RETREG3: variants seen among roughly 807,000 people sequenced by gnomAD.
RETREG3 encodes the protein reticulophagy regulator 3.
Under a neutral mutation model 50.2 loss-of-function variants are expected in RETREG3, and 23 were observed. That is an observed-to-expected ratio of 0.46 (90% confidence interval 0.33 to 0.65). RETREG3 has a LOEUF of 0.65. Ranked by LOEUF, RETREG3 falls within the 30% of genes least tolerant of loss-of-function variation. RETREG3 has a pLI of 0.02. For synonymous variants in RETREG3, 240 were observed against 234.4 expected (o/e 1.02, Z -0.22); for missense variants, 546 against 598.0 (o/e 0.91, Z 0.91).
chr17:42,593,826 A>AGCATAAAT lies in RETREG3; in HGVS notation c.240-1672_240-1665dup, dbSNP rs1194969982. Among the ~76,000 whole-genome samples, 7 of 152,206 alleles carry AGCATAAAT rather than the reference A, an allele frequency of 4.6e-5. No homozygotes were observed. The East Asian group carries it at 1.3e-3, about 29-fold the overall frequency. ...TTCAGAAACACAGATTAGTACAGAT[A>AGCATAAAT]GCATAAATGCTACACTCTGGGTCAT... is the stretch of plus-strand genomic sequence containing the variant. On this transcript the variant is annotated intron_variant, in intron 1 of 8. Coordinates refer to ENST00000309428, the MANE Select transcript of RETREG3 (RefSeq NM_178126.4).
intron 1 of RETREG3, among the ~76,000 whole-genome samples, 175 bp from the exon 2 acceptor site, chr17:42,592,337 A>G (rs2093134943): frequency 6.6e-6 from 1 of 152,228 alleles, no homozygotes; most frequent in South Asian, 2.1e-4. Context: ...CTGGACCTTA[A>G]CTACTCTACC....
At chr17:42,603,667 C>G (rs183636365) in intron 1 of RETREG3, among the ~76,000 whole-genome samples, 2 of 152,168 alleles carry the variant, frequency 1.3e-5, no homozygotes, top group African/African-American at 4.8e-5. Context: ...AACATTCACT[C>G]AACAGATTTC....
rs1368344789 is a variant in RETREG3, at chr17:42,605,105, A to G, written c.239+3981T>C. 8 of 151,950 alleles carry G rather than the reference A, an allele frequency of 5.3e-5. No individual in the cohort carries two copies. In the South Asian group the frequency reaches 1.7e-3, roughly 32 times the overall value. 9.4% of individuals were successfully genotyped at this position (151,950 alleles called of 1,614,324 possible). ...GGTACCTGAAAAAAAAAAAAGTATG[A>G]AAACCTTGGAATACTATGGTGACAA... On this transcript the variant is annotated intron_variant, in intron 1 of 8. Coordinates refer to ENST00000309428, the MANE Select transcript of RETREG3 (RefSeq NM_178126.4).
intron 6 of RETREG3, among the ~76,000 whole-genome samples, chr17:42,584,524 T>C (rs188430833): frequency 2.7e-4 from 41 of 152,176 alleles, no homozygotes; most frequent in African/African-American, 9.6e-4. Flanking sequence ...AAGGATCTGC[T>C]CTGGGCTCAG....
chr17:42,609,133 C>G lies in RETREG3; in HGVS notation c.192G>C (p.Arg64=), dbSNP rs1257340019. 1 of 1,609,510 alleles carries G rather than the reference C, an allele frequency of 6.2e-7. No individual in the cohort carries two copies. The highest frequency in any genetic ancestry group is 1.1e-5 in the South Asian group (1 of 91,018). ...SRVQAALVWE[R]PARSALWCLG... is the part of the protein sequence containing the mutation. Reference sequence around the variant, plus strand: ...GGCACCACAGAGCGCTCCTAGCTGGCCGCTCCCACACCAGGGCTGCCTGCA... The same window carrying G: ...GGCACCACAGAGCGCTCCTAGCTGGGCGCTCCCACACCAGGGCTGCCTGCA... Residue 64 remains arginine (R), a synonymous_variant, in exon 1 of 9, where the codon CGG becomes CGC. Coordinates refer to ENST00000309428, the MANE Select transcript of RETREG3 (RefSeq NM_178126.4).
At position 42,581,950 on chromosome 17, in the gene RETREG3, G is replaced by C; in HGVS notation, c.1264C>G (p.Pro422Ala). The C allele has an allele frequency of 6.2e-7, 1 of 1,614,170 alleles. No individual in the cohort carries two copies. The highest frequency in any genetic ancestry group is 8.5e-7 in the Non-Finnish European group (1 of 1,180,044). Residue 422 changes from proline to alanine, a missense_variant, in exon 9 of 9, where the codon CCT becomes GCT. Physicochemically the swap from Pro to Ala is conservative, Grantham distance 27. Transcript: ENST00000309428. ...GASQPGPSGA[P>A]AQRATRGFLR... ...AAGCCTCTCGTTGCTCTCTGGGCAG[G>C]TGCTCCAGAAGGGCCTGGTTGGGAG...
chr17:42,605,476 C>G (rs1452039313), intron 1 of RETREG3, among the ~76,000 whole-genome samples: 1 of 152,108 alleles, frequency 6.6e-6, no homozygotes, highest in African/African-American at 2.4e-5. Context: ...CATTTCTAAG[C>G]GAAATGTCAA....
chr17:42,606,791 G>C (rs1353825801), intron 1 of RETREG3, among the ~76,000 whole-genome samples: 1 of 151,984 alleles, frequency 6.6e-6, no homozygotes, highest in Non-Finnish European at 1.5e-5. Flanking sequence ...GAGGTCAGGA[G>C]TTTGAGACGA....
Position 42,586,046 on chromosome 17 carries a change from T to C in RETREG3, c.589+7A>G. On this transcript the variant is annotated splice_region_variant and intron_variant, in intron 5 of 8. Coordinates refer to ENST00000309428, the MANE Select transcript of RETREG3 (RefSeq NM_178126.4). ...TACTTTGTAGGGGAGGTATATGTCA[T>C]ACTTACGCATCAAGTAGGACAGCAG... 1 of 1,614,014 alleles carries C rather than the reference T, an allele frequency of 6.2e-7. No homozygotes were observed. The highest frequency in any genetic ancestry group is 8.5e-7 in the Non-Finnish European group (1 of 1,179,932).
chr17:42,592,258 C>A, intron 1 of RETREG3, 96 bp from the exon 2 acceptor site: 1 of 946,698 alleles, frequency 1.1e-6, no homozygotes, highest in South Asian at 1.7e-5. Context: ...GGTAAACAGA[C>A]TTGAGGTCTA....
intron 1 of RETREG3, among the ~76,000 whole-genome samples, chr17:42,606,951 C>G (rs184792578): frequency 6.6e-6 from 1 of 151,460 alleles, no homozygotes. Context: ...GAGCTGAGAT[C>G]GTGCCATTGC....
chr17:42,601,861 C>T (rs1377048515), intron 1 of RETREG3, among the ~76,000 whole-genome samples: 11 of 151,570 alleles, frequency 7.3e-5, no homozygotes, highest in Non-Finnish European at 1.0e-4. Flanking sequence ...CTTGAATTCC[C>T]GACCTTAGGT....
chr17:42,591,070 G>A (rs1440063047), intron 2 of RETREG3, among the ~76,000 whole-genome samples: 2 of 152,206 alleles, frequency 1.3e-5, no homozygotes, highest in African/African-American at 4.8e-5. Context: ...CTGGCCATAT[G>A]ATCAATTCTC....
chr17:42,606,465 G>A (rs577609071), intron 1 of RETREG3, among the ~76,000 whole-genome samples: 7 of 151,872 alleles, frequency 4.6e-5, no homozygotes, highest in Non-Finnish European at 1.0e-4. Flanking sequence ...GCCGGGCGTG[G>A]TGGCGCGTGC....
intron 1 of RETREG3, among the ~76,000 whole-genome samples, chr17:42,594,629 G>A (rs893775678): frequency 1.3e-5 from 2 of 151,988 alleles, no homozygotes; most frequent in Non-Finnish European, 2.9e-5. Context: ...AGATCACGAG[G>A]TCAGGAGATC....
rs1249119607 is a variant in RETREG3, at chr17:42,581,108, A to C, written c.*705T>G. On this transcript the variant is annotated 3_prime_UTR_variant, in exon 9 of 9. Transcript: ENST00000309428. Reference sequence around the variant, plus strand: ...CTGGTTTAACAAAAGATGACGACTAATCCCAGCACTCTGGGAGGCCAAGGC... The same window carrying C: ...CTGGTTTAACAAAAGATGACGACTACTCCCAGCACTCTGGGAGGCCAAGGC... 2 of 151,894 alleles carry C rather than the reference A, an allele frequency of 1.3e-5. No individual in the cohort carries two copies. The highest frequency in any genetic ancestry group is 3.9e-4 in the East Asian group (2 of 5,166). 9.4% of individuals were successfully genotyped at this position (151,894 alleles called of 1,614,324 possible). A position where few individuals can be genotyped will look rare whatever the true frequency, so the allele number is the denominator to read the frequency against.
chr17:42,585,065 T>A, intron 6 of RETREG3, 60 bp downstream of exon 6: 2 of 1,590,302 alleles, frequency 1.3e-6, no homozygotes, highest in Non-Finnish European at 8.6e-7. Flanking sequence ...GTCAGACCTA[T>A]GGGCTTCTCC....
Position 42,609,103 on chromosome 17 carries a change from C to T in RETREG3, c.222G>A (p.Gly74=). ...RPARSALWCL[G]LNAAFWFFAL... is the part of the protein sequence containing the mutation. ...TCTCTCACCAGAAAGCCGCGTTCAGCCCCAGGCACCACAGAGCGCTCCTAG... is the reference window on the plus strand; with the variant it reads ...TCTCTCACCAGAAAGCCGCGTTCAGTCCCAGGCACCACAGAGCGCTCCTAG... The change falls in exon 1 of 9, where the codon GGG becomes GGA. Residue 74 remains glycine (G), a synonymous_variant. Transcript: ENST00000309428. 2 of 1,607,114 alleles carry T rather than the reference C, an allele frequency of 1.2e-6. No individual in the cohort carries two copies. The highest frequency in any genetic ancestry group is 1.7e-6 in the Non-Finnish European group (2 of 1,179,808).
rs978504701 is a variant in RETREG3 at position 42,585,051 on chromosome 17, G to C, written c.727+74C>G. On this transcript the variant is annotated intron_variant, in intron 6 of 8. Transcript: ENST00000309428. Reference sequence around the variant, plus strand: ...ACTTCCACTTTTGAGGACCCACCCAGTATGTCAGACCTATGGGCTTCTCCT... The same window carrying C: ...ACTTCCACTTTTGAGGACCCACCCACTATGTCAGACCTATGGGCTTCTCCT... The C allele has an allele frequency of 7.7e-6, 12 of 1,566,140 alleles. No individual in the cohort carries two copies. In the African/African-American group the frequency reaches 1.5e-4, roughly 19 times the overall value.
Sources: allele counts gnomAD v4.1 joint callset (sites outside exome capture counted in the v4.1 genomes callset), GRCh38; gene constraint gnomAD v4.1.1; transcripts MANE v1.5; gene names NCBI Gene and HGNC (gene_info 2026-07-23, HGNC 2026-07-21).